IQSEC1: variants seen among roughly 807,000 people sequenced by gnomAD.
IQSEC1 encodes IQ motif and Sec7 domain ArfGEF 1.
A neutral mutation model predicts 91.0 loss-of-function variants in IQSEC1; 31 were observed. The observed-to-expected ratio is 0.34, with a 90% CI of 0.26 to 0.46. The LOEUF (loss-of-function observed/expected upper bound fraction) is 0.46, where lower values mean the gene tolerates loss of function less well. Among genes scored for constraint, IQSEC1 ranks in the 20% least tolerant of loss-of-function variants. The probability of loss-of-function intolerance (pLI) is 1.00; values close to 1 mark genes in which losing one functional copy is unlikely to be tolerated. For synonymous variants in IQSEC1, 699 were observed against 662.6 expected, an observed-to-expected ratio of 1.05 and a Z score of -0.84; for missense variants, 1,388 against 1,575.6, an observed-to-expected ratio of 0.88 and a Z score of 2.02.
Position 12,922,040 on chromosome 3 carries a change from C to T in IQSEC1, c.1853+80G>A. On this transcript the variant is annotated intron_variant, in intron 5 of 13. Coordinates refer to ENST00000613206, the MANE Select transcript of IQSEC1 (RefSeq NM_001134382.3). This position sits in a 1 kb window ranked among gnomAD's most constrained non-coding sequence, Gnocchi z 5.1. ...TGTCTAGGGATGGTGGGGATGCAGT[C>T]TTTGGTCCATCCTCGGGCCCTGAAG... The T allele has an allele frequency of 1.4e-6, 2 of 1,472,344 alleles. No homozygotes were observed. Among genetic ancestry groups the T allele is most frequent in the Admixed American group, 2.2e-5 (1 of 46,232 alleles). 91.2% of individuals were successfully genotyped at this position (1,472,344 alleles called of 1,614,324 possible).
intron 2 of IQSEC1, among the ~76,000 whole-genome samples, chr3:13,090,182 C>T (rs1705834988): frequency 6.6e-6 from 1 of 151,412 alleles, no homozygotes. Context: ...CGCGCCACTG[C>T]GCTCCAGCCT....
At chr3:12,911,582 A>T (rs1695562777) in intron 10 of IQSEC1, 47 bp downstream of exon 10, 1 of 1,399,982 alleles carries the variant, frequency 7.1e-7, no homozygotes, top group African/African-American at 1.4e-5. Flanking sequence ...GAAAGAGCGT[A>T]AGCTGGGACA....
chr3:13,174,603 C>T (rs1175345265), intron 1 of IQSEC1, among the ~76,000 whole-genome samples: 1 of 152,170 alleles, frequency 6.6e-6, no homozygotes, highest in Non-Finnish European at 1.5e-5. Flanking sequence ...CAGAATCAGC[C>T]CTTTCCCAAC....
chr3:13,179,805 G>A (rs981403154), intron 1 of IQSEC1, among the ~76,000 whole-genome samples: 7 of 152,238 alleles, frequency 4.6e-5, no homozygotes, highest in Non-Finnish European at 8.8e-5. Context: ...GCGGGCCAGC[G>A]CGAGTTCCGG....
rs1008348935 is a variant in IQSEC1 at position 12,908,133 on chromosome 3, CCTTT to C, written c.2755+212_2755+215del. On this transcript the variant is annotated intron_variant, in intron 12 of 13. Transcript: ENST00000613206. This position sits in a 1 kb window ranked among gnomAD's most constrained non-coding sequence, Gnocchi z 4.9. ...TTCCCCAGCTAATTCGTGTGCAATG[CCTTT>C]CTTTTTGACGTTTGGGTCCTGTTTC... 7.2e-5 allele frequency among the ~76,000 whole-genome samples: 11 copies of C among 152,220 alleles called. No individual in the cohort carries two copies. Among genetic ancestry groups the C allele is most frequent in the African/African-American group, 1.4e-4 (6 of 41,460 alleles).
chr3:13,007,623 T>C (rs948904306), intron 1 of IQSEC1, among the ~76,000 whole-genome samples: 16 of 152,222 alleles, frequency 1.1e-4, no homozygotes, highest in African/African-American at 3.6e-4. Flanking sequence ...AATGAGATCA[T>C]AGTTGGGACC....
At chr3:13,254,747 G>A (rs1695257269) in intron 1 of IQSEC1, among the ~76,000 whole-genome samples, 1 of 152,186 alleles carries the variant, frequency 6.6e-6, no homozygotes, top group South Asian at 2.1e-4. Flanking sequence ...CGAGCAGCAG[G>A]TGGCAGAGCC....
At chr3:13,019,764 CCACTCTCCT>C (rs1402606090) in intron 1 of IQSEC1, among the ~76,000 whole-genome samples, 4 of 152,180 alleles carry the variant, frequency 2.6e-5, no homozygotes, top group African/African-American at 9.7e-5. Context: ...ACCCACCCCA[CCACTCTCCT>C]CTCATTGGTG....
chr3:13,095,536 G>C (rs1170184247), intron 2 of IQSEC1, among the ~76,000 whole-genome samples: 1 of 152,050 alleles, frequency 6.6e-6, no homozygotes, highest in East Asian at 1.9e-4. Context: ...AGGCCGAGTT[G>C]CTTCCTGCTC....
rs1463130138 is a variant in IQSEC1 at position 13,282,987 on chromosome 3, C to T, written c.-5G>A. Among the ~76,000 whole-genome samples the T allele has an allele frequency of 6.9e-6, 1 of 145,868 alleles. No individual in the cohort carries two copies. Among genetic ancestry groups the T allele is most frequent in the South Asian group, 2.1e-4 (1 of 4,812 alleles). On this transcript the variant is annotated 5_prime_UTR_variant, in exon 1 of 16. Coordinates refer to the IQSEC1 transcript ENST00000648114. This position sits in a 1 kb window ranked among gnomAD's most constrained non-coding sequence, Gnocchi z 6.4. ...GGGCTCGGCGGCGCTGGCCATGGCCCCCCGCCCGGAGGCCGGCCGCGCCTC... is the reference window on the plus strand; with the variant it reads ...GGGCTCGGCGGCGCTGGCCATGGCCTCCCGCCCGGAGGCCGGCCGCGCCTC...
chr3:13,107,038 A>T (rs868347967), intron 2 of IQSEC1, among the ~76,000 whole-genome samples: 1 of 152,254 alleles, frequency 6.6e-6, no homozygotes, highest in African/African-American at 2.4e-5. Context: ...GAAAAGTAAC[A>T]GTGAACTTGT....
At chr3:12,941,897 G>A (rs1300322915) in intron 1 of IQSEC1, 32 bp from the exon 2 acceptor site, 2 of 1,540,670 alleles carry the variant, frequency 1.3e-6, no homozygotes, top group Admixed American at 2.0e-5. Flanking sequence ...GAAGCTTCTG[G>A]TAAGCGGGAA....
At chr3:13,269,075 G>A (rs75823791) in intron 1 of IQSEC1, among the ~76,000 whole-genome samples, 1,980 of 152,316 alleles carry the variant, frequency 0.013, 32 homozygotes, top group African/African-American at 0.036. Context: ...TCCAGGCAGC[G>A]GGAACAGCAT....
intron 2 of IQSEC1, among the ~76,000 whole-genome samples, chr3:13,150,080 T>C (rs962579370): frequency 1.1e-4 from 17 of 152,128 alleles, no homozygotes; most frequent in Admixed American, 1.3e-4. Flanking sequence ...TTTCTCTTAA[T>C]ACACAACCTC....
Position 13,282,750 on chromosome 3 carries a change from G to A in IQSEC1, c.233C>T (p.Pro78Leu), listed in dbSNP as rs1695819642. Reference sequence around the variant, plus strand: ...GCCGAGCTCCGGGATGGCGCCGAGCGGCTGCGGGCCGGGGCCGGGGCCCGG... The same window carrying A: ...GCCGAGCTCCGGGATGGCGCCGAGCAGCTGCGGGCCGGGGCCGGGGCCCGG... Residue 78 changes from proline (P) to leucine (L), a missense_variant, in exon 1 of 16, where the codon CCG becomes CTG. Coordinates refer to the IQSEC1 transcript ENST00000648114. This position sits in a 1 kb window ranked among gnomAD's most constrained non-coding sequence, Gnocchi z 6.4. Among the ~76,000 whole-genome samples the A allele has an allele frequency of 6.7e-6, 1 of 149,120 alleles. No individual in the cohort carries two copies. The highest frequency in any genetic ancestry group is 2.4e-5 in the African/African-American group (1 of 41,014).
At chr3:13,105,221 G>A (rs955950631) in intron 2 of IQSEC1, among the ~76,000 whole-genome samples, 1 of 152,090 alleles carries the variant, frequency 6.6e-6, no homozygotes, top group Non-Finnish European at 1.5e-5. Context: ...GAACAGCACT[G>A]TTCCTCTAGG....
At chr3:13,128,625 G>A (rs1441019905) in intron 2 of IQSEC1, among the ~76,000 whole-genome samples, 1 of 152,042 alleles carries the variant, frequency 6.6e-6, no homozygotes, top group East Asian at 1.9e-4. Flanking sequence ...CAGCACTTTG[G>A]GAGGCCGAGG....
chr3:13,173,207 C>T (rs55783624), intron 1 of IQSEC1, among the ~76,000 whole-genome samples: 2,547 of 152,302 alleles, frequency 0.017, 35 homozygotes, highest in Non-Finnish European at 0.028. Context: ...GACACAAAAC[C>T]ACATCCTGTC....
At chr3:12,969,452 GAGA>G (rs1700788180) in intron 1 of IQSEC1, among the ~76,000 whole-genome samples, 1 of 152,306 alleles carries the variant, frequency 6.6e-6, no homozygotes, top group South Asian at 2.1e-4. Context: ...GTTCTGGAAG[GAGA>G]AGAACACTAG....
Sources: gnomAD v4.1 joint callset for allele counts (sites outside exome capture counted in the v4.1 genomes callset) on GRCh38, gnomAD v4.1.1 for gene constraint, Gnocchi (gnomAD v3.1) non-coding constraint, MANE v1.5 for transcripts, NCBI Gene and HGNC (gene_info 2026-07-23, HGNC 2026-07-21) for gene names.